Variants in CHM observed in about 807,000 individuals in gnomAD.
CHM encodes rab proteins geranylgeranyltransferase component A 1.
In CHM, 10 loss-of-function variants were observed where a neutral mutation model predicts 49.0. The observed-to-expected ratio is 0.20, with a 90% CI of 0.13 to 0.35. The LOEUF is 0.35. Among genes scored for constraint, CHM ranks in the 10% least tolerant of loss-of-function variants. The probability of loss-of-function intolerance (pLI) is 1.00; values close to 1 mark genes in which losing one functional copy is unlikely to be tolerated. For missense variants in CHM, 455 were observed against 478.4 expected (o/e 0.95, Z 0.46); for synonymous variants, 184 against 167.5 (o/e 1.10, Z -0.76).
chrX:85,906,782 T>C (rs1320323422), intron 9 of CHM, among the ~76,000 whole-genome samples: 2 of 112,065 alleles, frequency 1.8e-5, no homozygotes, highest in African/African-American at 6.5e-5. Flanking sequence ...GTATTAACAG[T>C]CAGTCACCTC....
intron 1 of CHM, among the ~76,000 whole-genome samples, chrX:86,044,476 T>A (rs140339275): frequency 8.9e-6 from 1 of 111,803 alleles, no homozygotes; most frequent in African/African-American, 3.2e-5. Context: ...TCTCAGGGAT[T>A]CCCCTATGTA....
intron 9 of CHM, among the ~76,000 whole-genome samples, chrX:85,901,543 TTC>T (rs1491540481): frequency 2.7e-5 from 3 of 111,485 alleles, no homozygotes; most frequent in African/African-American, 9.8e-5. Flanking sequence ...AGGCTTTTTT[TTC>T]CCCCCTTCAC....
chrX:86,001,633 C>T (rs1167676427), intron 2 of CHM, among the ~76,000 whole-genome samples: 1 of 110,156 alleles, frequency 9.1e-6, no homozygotes, highest in Non-Finnish European at 1.9e-5. Context: ...CCAGAACTCA[C>T]GTGAACTGAG....
At chrX:86,018,813 T>C (rs1415161958) in intron 2 of CHM, among the ~76,000 whole-genome samples, 2 of 111,897 alleles carry the variant, frequency 1.8e-5, no homozygotes, top group Non-Finnish European at 3.8e-5. Context: ...TACAGTTCTA[T>C]ACATGAAATG....
intron 2 of CHM, among the ~76,000 whole-genome samples, chrX:86,003,559 G>A (rs771433054): frequency 8.9e-5 from 10 of 111,959 alleles, no homozygotes; most frequent in Non-Finnish European, 1.7e-4. Flanking sequence ...GTGTAGAGAA[G>A]ACCTTAAATG....
chrX:85,893,028 CTTGTT>C (rs1455402432), intron 12 of CHM, among the ~76,000 whole-genome samples: 2 of 111,780 alleles, frequency 1.8e-5, no homozygotes, highest in South Asian at 7.5e-4. Flanking sequence ...TACTTCTGTG[CTTGTT>C]TTATCTGTTC....
intron 2 of CHM, among the ~76,000 whole-genome samples, chrX:85,996,440 G>A (rs781538251): frequency 8.5e-4 from 94 of 111,172 alleles, no homozygotes; most frequent in Non-Finnish European, 1.4e-3. Flanking sequence ...ACAAAAATCC[G>A]GCTCTACTAA....
At chrX:85,942,838 C>T (rs1355111286) in intron 8 of CHM, among the ~76,000 whole-genome samples, 2 of 107,547 alleles carry the variant, frequency 1.9e-5, no homozygotes, top group Non-Finnish European at 3.8e-5. Context: ...TATACATGTG[C>T]CATGTTGGTG....
intron 8 of CHM, among the ~76,000 whole-genome samples, chrX:85,933,515 A>G (rs1928556061): frequency 8.9e-6 from 1 of 112,329 alleles, no homozygotes; most frequent in African/African-American, 3.2e-5. Context: ...CACTATGCCT[A>G]TATACACTTT....
intron 13 of CHM, among the ~76,000 whole-genome samples, chrX:85,876,390 A>G (rs1924415030): frequency 1.8e-5 from 2 of 112,168 alleles, no homozygotes; most frequent in Admixed American, 1.9e-4. Context: ...TCAAATAATC[A>G]AAACATAATA....
chrX:86,023,157 ATC>A (rs1933672820), intron 2 of CHM, among the ~76,000 whole-genome samples: 1 of 111,778 alleles, frequency 8.9e-6, no homozygotes, highest in Non-Finnish European at 1.9e-5. Context: ...TAAAACACAC[ATC>A]TGATCATTTA....
rs1293400799 is a variant in CHM, at chrX:85,900,706, C to A, written c.1353G>T (p.Gln451His). ...CTGTAATCAGCACTGCCCTGGAGAT[C>A]TGCCTGTAATGCACAAAACAGTGAA... ...ENMCSRVQYR[Q>H]ISRAVLITDR... The change falls in exon 11 of 15, where the codon CAG (glutamine) becomes CAT (histidine). Residue 451 changes from glutamine to histidine, a missense_variant. Coordinates refer to ENST00000357749, the MANE Select transcript of CHM (RefSeq NM_000390.4). 3 of 1,179,532 alleles carry A rather than the reference C, an allele frequency of 2.5e-6. No homozygotes were observed. Among genetic ancestry groups the A allele is most frequent in the East Asian group, 3.0e-5 (1 of 33,528 alleles).
intron 2 of CHM, among the ~76,000 whole-genome samples, chrX:86,025,535 GGTGC>G (rs1262879383): frequency 9.2e-6 from 1 of 109,229 alleles, no homozygotes; most frequent in Non-Finnish European, 1.9e-5. Flanking sequence ...AAGTTAGCTG[GGTGC>G]AACGGCATGC....
chrX:86,005,095 C>G (rs1264438881), intron 2 of CHM, among the ~76,000 whole-genome samples: 1 of 112,006 alleles, frequency 8.9e-6, no homozygotes, highest in Non-Finnish European at 1.9e-5. Context: ...AACTAGGACT[C>G]AGGATTTAAA....
chrX:85,949,588 A>G, intron 8 of CHM, among the ~76,000 whole-genome samples: 1 of 110,651 alleles, frequency 9.0e-6, no homozygotes, highest in Non-Finnish European at 1.9e-5. Flanking sequence ...AAGTTGATAG[A>G]AGGACCTTTG....
chrX:85,987,624 TAAA>T (rs767390476), intron 2 of CHM, among the ~76,000 whole-genome samples: 172 of 111,657 alleles, frequency 1.5e-3, no homozygotes, highest in Non-Finnish European at 2.4e-3. Context: ...TAGCTAGACT[TAAA>T]GAAGAGAAGA....
At chrX:85,946,708 G>A (rs1929434466) in intron 8 of CHM, among the ~76,000 whole-genome samples, 1 of 111,746 alleles carries the variant, frequency 8.9e-6, no homozygotes, top group Admixed American at 9.4e-5. Flanking sequence ...GGGAAAATGT[G>A]GGGTCGGAGG....
Position 85,901,094 on chromosome X carries a change from CA to C in CHM, c.1338del (p.Val447CysfsTer11). The C allele has an allele frequency of 8.4e-7, 1 of 1,196,833 alleles. No individual in the cohort carries two copies. Among genetic ancestry groups the C allele is most frequent in the Non-Finnish European group, 1.1e-6 (1 of 883,714 alleles). On this transcript the variant is annotated frameshift_variant, in exon 10 of 15. Coordinates refer to ENST00000357749, the MANE Select transcript of CHM (RefSeq NM_000390.4). LOFTEE classifies it high-confidence loss of function. ...DSYFPENMCS[R>X]VQYRQISRAV... Reference sequence around the variant, plus strand: ...TGGAGGGGGCCTTACCTGTATTGCACACGTGAGCACATGTTCTCAGGAAAGT... The same window carrying C: ...TGGAGGGGGCCTTACCTGTATTGCACCGTGAGCACATGTTCTCAGGAAAGT...
chrX:85,930,785 C>T (rs1353655984), intron 8 of CHM, among the ~76,000 whole-genome samples: 1 of 111,691 alleles, frequency 9.0e-6, no homozygotes, highest in Non-Finnish European at 1.9e-5. Flanking sequence ...TTGTAACCTT[C>T]CCCTCATGAG....
Sources: allele counts gnomAD v4.1 joint callset (sites outside exome capture counted in the v4.1 genomes callset), GRCh38; gene constraint gnomAD v4.1.1; transcripts MANE v1.5; gene names NCBI Gene and HGNC (gene_info 2026-07-23, HGNC 2026-07-21).